The following ZNF385B variants were observed in gnomAD, a reference collection of about 807,000 sequenced individuals.
ZNF385B encodes the protein zinc finger protein 533.
A neutral mutation model predicts 39.2 loss-of-function variants in ZNF385B; 23 were observed. The observed-to-expected ratio is 0.59, with a 90% CI of 0.42 to 0.83. The LOEUF (loss-of-function observed/expected upper bound fraction) is 0.83. ZNF385B is among the 40% of genes least tolerant of loss of function. ZNF385B has a pLI of 0.00. For missense variants in ZNF385B, 552 were observed against 598.9 expected, an observed-to-expected ratio of 0.92 and a Z score of 0.82; for synonymous variants, 205 against 222.6, an observed-to-expected ratio of 0.92 and a Z score of 0.70.
At chr2:179,754,953 T>C (rs1702917819) in intron 3 of ZNF385B, among the ~76,000 whole-genome samples, 2 of 152,204 alleles carry the variant, frequency 1.3e-5, no homozygotes, top group African/African-American at 4.8e-5. Context: ...CTGATCTTAC[T>C]TATTTCTTGC....
At chr2:179,617,163 T>C (rs1198614924) in intron 3 of ZNF385B, among the ~76,000 whole-genome samples, 4 of 152,220 alleles carry the variant, frequency 2.6e-5, no homozygotes, top group Non-Finnish European at 5.9e-5. Context: ...GTCTTGGATA[T>C]AATTAATGAT....
At chr2:179,607,168 C>A (rs1267794419) in intron 3 of ZNF385B, among the ~76,000 whole-genome samples, 1 of 152,020 alleles carries the variant, frequency 6.6e-6, no homozygotes, top group South Asian at 2.1e-4. Flanking sequence ...CCTGAGTATT[C>A]GAGATTCACA....
At chr2:179,782,461 A>G (rs1332367734) in intron 1 of ZNF385B, among the ~76,000 whole-genome samples, 2 of 152,190 alleles carry the variant, frequency 1.3e-5, no homozygotes, top group Non-Finnish European at 2.9e-5. Flanking sequence ...TCTATTCAAC[A>G]TAGTATTGGA....
intron 3 of ZNF385B, among the ~76,000 whole-genome samples, chr2:179,556,642 T>C (rs1229657270): frequency 6.7e-6 from 1 of 149,314 alleles, no homozygotes; most frequent in African/African-American, 2.5e-5. Context: ...CTGATGAAAT[T>C]TACTGGCAAA....
At chr2:179,810,172 A>C (rs1706645215) in intron 1 of ZNF385B, among the ~76,000 whole-genome samples, 1 of 152,040 alleles carries the variant, frequency 6.6e-6, no homozygotes, top group Non-Finnish European at 1.5e-5. Flanking sequence ...ATATCAAATA[A>C]ATTCCAGATA....
At chr2:179,459,202 T>C (rs1449443183) in intron 6 of ZNF385B, among the ~76,000 whole-genome samples, 1 of 152,196 alleles carries the variant, frequency 6.6e-6, no homozygotes, top group Non-Finnish European at 1.5e-5. Context: ...AAAAATTTCT[T>C]TGCATTTTTG....
chr2:179,593,727 T>G (rs2106080181), intron 3 of ZNF385B, among the ~76,000 whole-genome samples: 1 of 152,340 alleles, frequency 6.6e-6, no homozygotes, highest in African/African-American at 2.4e-5. Flanking sequence ...TACGCTTATC[T>G]ATACCATCCT....
At chr2:179,731,540 C>A (rs1298091659) in intron 3 of ZNF385B, among the ~76,000 whole-genome samples, 2 of 152,232 alleles carry the variant, frequency 1.3e-5, no homozygotes, top group African/African-American at 2.4e-5. Flanking sequence ...TCAAAGGTAA[C>A]TTTAGAACAA....
intron 4 of ZNF385B, chr2:179,534,935 A>T (rs1481363318): frequency 3.9e-5 from 6 of 152,218 alleles, no homozygotes; most frequent in Non-Finnish European, 8.8e-5. Context: ...TAAGTGCTTC[A>T]AAAATGTGCC....
chr2:179,589,104 G>A (rs1326804187), intron 3 of ZNF385B, among the ~76,000 whole-genome samples: 8 of 152,138 alleles, frequency 5.3e-5, no homozygotes, highest in Non-Finnish European at 1.0e-4. Context: ...TGACAAAGAA[G>A]CATTAAATAA....
intron 3 of ZNF385B, among the ~76,000 whole-genome samples, chr2:179,666,170 T>TA (rs1337530599): frequency 1.2e-4 from 19 of 152,068 alleles, no homozygotes; most frequent in Non-Finnish European, 2.4e-4. Flanking sequence ...ACATAAAATC[T>TA]AAAAAAAATT....
intron 6 of ZNF385B, among the ~76,000 whole-genome samples, chr2:179,472,976 C>T (rs1452222506): frequency 6.6e-6 from 1 of 152,182 alleles, no homozygotes; most frequent in Non-Finnish European, 1.5e-5. Flanking sequence ...TGTCTTCTTC[C>T]TCTGTCCATA....
intron 3 of ZNF385B, among the ~76,000 whole-genome samples, chr2:179,646,961 T>C (rs546552849): frequency 6.6e-6 from 1 of 152,314 alleles, no homozygotes; most frequent in Admixed American, 6.5e-5. Flanking sequence ...CATACAAACA[T>C]TACTTTTTGT....
chr2:179,580,260 C>T (rs927240303), intron 3 of ZNF385B, among the ~76,000 whole-genome samples: 1 of 152,098 alleles, frequency 6.6e-6, no homozygotes, highest in African/African-American at 2.4e-5. Context: ...CCAGGGTATT[C>T]TGTGGGTCCA....
intron 3 of ZNF385B, among the ~76,000 whole-genome samples, chr2:179,729,128 CAA>C (rs767380342): frequency 0.038 from 2,895 of 76,598 alleles, 106 homozygotes; most frequent in African/African-American, 0.11. Context: ...ATTCTATTCT[CAA>C]AAAAAAAAAA....
chr2:179,608,304 A>G (rs1688993572), intron 3 of ZNF385B, among the ~76,000 whole-genome samples: 1 of 151,032 alleles, frequency 6.6e-6, no homozygotes, highest in Non-Finnish European at 1.5e-5. Flanking sequence ...GTAATCCAGA[A>G]TAGAAGGGGT....
At chr2:179,595,607 C>T (rs1425516866) in intron 3 of ZNF385B, among the ~76,000 whole-genome samples, 1 of 151,402 alleles carries the variant, frequency 6.6e-6, no homozygotes, top group Non-Finnish European at 1.5e-5. Flanking sequence ...GGTTGTTTTT[C>T]AGCCATCCCA....
chr2:179,443,266 A>C lies in ZNF385B; in HGVS notation c.1445T>G (p.Leu482Arg), dbSNP rs1288964572. 1 of 1,612,438 alleles carries C rather than the reference A, an allele frequency of 6.2e-7. No individual in the cohort carries two copies. ...TTGCAGACGTTAGTACGGAGCAAAGAGGATGGAGGCAGGAGTGGCGCGGAT... is the reference window on the plus strand; with the variant it reads ...TTGCAGACGTTAGTACGGAGCAAAGCGGATGGAGGCAGGAGTGGCGCGGAT... ...GPIRATPASILFAPY is the reference protein window; with the variant it reads ...GPIRATPASIRFAPY The change falls in exon 10 of 10, where the codon CTC becomes CGC. Residue 482 changes from leucine to arginine, a missense_variant. Leu to Arg is a moderately radical substitution (Grantham distance 102). Transcript: ENST00000410066.
At chr2:179,675,791 A>AT (rs55819457) in intron 3 of ZNF385B, among the ~76,000 whole-genome samples, 14 of 142,622 alleles carry the variant, frequency 9.8e-5, no homozygotes, top group African/African-American at 3.3e-4. Flanking sequence ...ACTGACAGTA[A>AT]TTTTTTTTTT....
Sources: gnomAD v4.1 joint callset for allele counts (sites outside exome capture counted in the v4.1 genomes callset) on GRCh38, gnomAD v4.1.1 for gene constraint, MANE v1.5 for transcripts, NCBI Gene and HGNC (gene_info 2026-07-23, HGNC 2026-07-21) for gene names.